SCML4: variants seen among roughly 807,000 people sequenced by gnomAD.
SCML4 encodes Scm polycomb group protein like 4.
A neutral mutation model predicts 41.1 loss-of-function variants in SCML4; 34 were observed. The observed-to-expected ratio is 0.83, with a 90% CI of 0.63 to 1.10. The LOEUF is 1.10. Ranked by LOEUF, SCML4 falls within the 50% of genes least tolerant of loss-of-function variation. The probability of loss-of-function intolerance (pLI) is 0.00; values close to 1 mark genes in which losing one functional copy is unlikely to be tolerated. For synonymous variants in SCML4, 214 were observed against 220.9 expected, an observed-to-expected ratio of 0.97 and a Z score of 0.28; for missense variants, 522 against 534.1, an observed-to-expected ratio of 0.98 and a Z score of 0.22.
chr6:107,714,784 T>C (rs1774584998), intron 6 of SCML4, among the ~76,000 whole-genome samples: 1 of 152,076 alleles, frequency 6.6e-6, no homozygotes, highest in Non-Finnish European at 1.5e-5. Context: ...AGGTAGTTGC[T>C]GTTCTTCTTA....
chr6:107,730,332 C>T (rs1308226799), intron 5 of SCML4, among the ~76,000 whole-genome samples: 2 of 152,212 alleles, frequency 1.3e-5, no homozygotes, highest in Non-Finnish European at 1.5e-5. Context: ...CGAAGGCACT[C>T]ATGGTCGAAA....
Position 107,720,836 on chromosome 6 carries a change from C to T in SCML4, c.840G>A (p.Gly280=), listed in dbSNP as rs757687899. The change falls in exon 6 of 8, where the codon GGG becomes GGA. Residue 280 remains glycine (G), a synonymous_variant. Transcript: ENST00000369020. The part of the protein sequence containing the change: ...KRQNSGDSHL[G]GGPAATAGGP... ...CACCAGCGGTGGCAGCAGGACCACC[C>T]CCAAGGTGGCTGTCTCCAGAGTTCT... is the stretch of plus-strand genomic sequence containing the variant. 6.2e-7 allele frequency: 1 copy of T among 1,614,100 alleles called. No individual in the cohort carries two copies. Among genetic ancestry groups the T allele is most frequent in the South Asian group, 1.1e-5 (1 of 91,082 alleles).
intron 1 of SCML4, among the ~76,000 whole-genome samples, chr6:107,787,918 T>C (rs1426505481): frequency 2.0e-5 from 3 of 152,232 alleles, no homozygotes; most frequent in African/African-American, 4.8e-5. Flanking sequence ...CTGAAGTATC[T>C]AAAACACTTT....
chr6:107,773,941 A>G lies in SCML4; in HGVS notation c.-59-1555T>C, dbSNP rs113981839. Among the ~76,000 whole-genome samples, 416 of 152,316 alleles carry G rather than the reference A, an allele frequency of 2.7e-3. 1 individual carries two copies. Among genetic ancestry groups the G allele is most frequent in the African/African-American group, 9.5e-3 (393 of 41,556 alleles). On this transcript the variant is annotated intron_variant, in intron 1 of 7. Coordinates refer to ENST00000369020, the MANE Select transcript of SCML4 (RefSeq NM_198081.5). The stretch of plus-strand genomic sequence containing the variant: ...TGCTCTGCTCAGGACAGAAAATATA[A>G]AATAGTGGAAGTTCTTAAAAACATG...
chr6:107,787,172 A>G (rs1781962075), intron 1 of SCML4, among the ~76,000 whole-genome samples: 1 of 152,262 alleles, frequency 6.6e-6, no homozygotes, highest in African/African-American at 2.4e-5. Flanking sequence ...TAGGATATAA[A>G]GAAATGGGAC....
intron 6 of SCML4, among the ~76,000 whole-genome samples, chr6:107,715,501 T>C (rs57952107): frequency 0.026 from 3,903 of 151,484 alleles, 181 homozygotes; most frequent in African/African-American, 0.091. Flanking sequence ...CTAGTTGTGG[T>C]TGGGAATTCT....
intron 1 of SCML4, among the ~76,000 whole-genome samples, chr6:107,775,275 T>C (rs779569040): frequency 6.6e-6 from 1 of 152,184 alleles, no homozygotes; most frequent in Non-Finnish European, 1.5e-5. Context: ...AGTCCATGCC[T>C]CTCCTTCCTC....
intron 5 of SCML4, among the ~76,000 whole-genome samples, chr6:107,741,339 C>T (rs1427143163): frequency 6.6e-6 from 1 of 152,182 alleles, no homozygotes; most frequent in Non-Finnish European, 1.5e-5. Flanking sequence ...AGAAAAATGT[C>T]TCCCAATTCA....
At chr6:107,840,918 C>A in the SCML4 span, among the ~76,000 whole-genome samples, 2 of 151,998 alleles carry the variant, frequency 1.3e-5, no homozygotes, top group African/African-American at 4.8e-5. Flanking sequence ...TTCTCTGGGG[C>A]CCTCAGAGTG....
intron 2 of SCML4, among the ~76,000 whole-genome samples, chr6:107,756,464 C>T (rs1376825309): frequency 6.6e-6 from 1 of 152,186 alleles, no homozygotes; most frequent in African/African-American, 2.4e-5. Context: ...CTGCCAAAGT[C>T]ATCACAAAAG....
chr6:107,778,900 G>T (rs556932351), intron 1 of SCML4, among the ~76,000 whole-genome samples: 102 of 152,202 alleles, frequency 6.7e-4, no homozygotes, highest in Middle Eastern at 3.4e-3. Flanking sequence ...ACACATCCCG[G>T]CCGGGCGCGG....
Position 107,745,048 on chromosome 6 carries a change from T to G in SCML4, c.583A>C (p.Ser195Arg). ...VLRFLAKLCRSLLCDDLFSHQ... is the reference protein window; with the variant it reads ...VLRFLAKLCRRLLCDDLFSHQ... Reference sequence around the variant, plus strand: ...CTGAAGAGGTCATCGCACAGGAGGCTTCGGCACAGCTTGGCGAGGAAGCGG... The same window carrying G: ...CTGAAGAGGTCATCGCACAGGAGGCGTCGGCACAGCTTGGCGAGGAAGCGG... The change falls in exon 5 of 8, where the codon AGC becomes CGC. Residue 195 changes from serine to arginine, a missense_variant. Ser to Arg is a moderately radical substitution (Grantham distance 110). Coordinates refer to ENST00000369020, the MANE Select transcript of SCML4 (RefSeq NM_198081.5). 1 of 1,614,166 alleles carries G rather than the reference T, an allele frequency of 6.2e-7. No individual in the cohort carries two copies. The highest frequency in any genetic ancestry group is 8.5e-7 in the Non-Finnish European group (1 of 1,180,010).
intron 7 of SCML4, 70 bp downstream of exon 7, chr6:107,707,796 C>T (rs1323692316): frequency 1.3e-6 from 2 of 1,543,590 alleles, no homozygotes; most frequent in African/African-American, 1.4e-5. Context: ...CCCGCAGCTC[C>T]CTGGACCTCA....
chr6:107,765,740 G>T (rs1001571128), intron 2 of SCML4, among the ~76,000 whole-genome samples: 3 of 152,164 alleles, frequency 2.0e-5, no homozygotes, highest in Admixed American at 2.0e-4. Flanking sequence ...CCAAGGGTTT[G>T]CTGCTGTACA....
chr6:107,749,609 A>G, intron 3 of SCML4, 75 bp downstream of exon 3: 2 of 1,552,080 alleles, frequency 1.3e-6, no homozygotes, highest in Non-Finnish European at 1.8e-6. Context: ...TTTAATCCAC[A>G]AAGTAACAAT....
chr6:107,790,078 C>T lies in SCML4; in HGVS notation c.-59-17692G>A, dbSNP rs1051045602. On this transcript the variant is annotated intron_variant, in intron 1 of 7. Coordinates refer to ENST00000369020, the MANE Select transcript of SCML4 (RefSeq NM_198081.5). ...TAGTCCAGCCTTTCAGCACTGGCAC[C>T]TGGTCAACGAGAGGTTAGCTGCTGA... 4.6e-5 allele frequency among the ~76,000 whole-genome samples: 7 copies of T among 152,142 alleles called. No individual in the cohort carries two copies. In the East Asian group the frequency reaches 1.3e-3, roughly 29 times the overall value.
At chr6:107,749,960 A>T in intron 2 of SCML4, 147 bp from the exon 3 acceptor site, 1 of 754,306 alleles carries the variant, frequency 1.3e-6, no homozygotes. Context: ...TGAGCTGCAG[A>T]TTCAAGTTCA....
intron 1 of SCML4, among the ~76,000 whole-genome samples, chr6:107,779,455 G>A (rs529285427): frequency 8.5e-5 from 13 of 152,266 alleles, no homozygotes; most frequent in African/African-American, 3.1e-4. Flanking sequence ...ATGTTTGGTG[G>A]TGCATGGAGA....
intron 5 of SCML4, among the ~76,000 whole-genome samples, chr6:107,734,838 T>G (rs2114461851): frequency 6.6e-6 from 1 of 152,286 alleles, no homozygotes; most frequent in African/African-American, 2.4e-5. Context: ...TCTACAAAAC[T>G]GATGGACACT....
Sources: gnomAD v4.1 joint callset for allele counts (sites outside exome capture counted in the v4.1 genomes callset) on GRCh38, gnomAD v4.1.1 for gene constraint, MANE v1.5 for transcripts, NCBI Gene and HGNC (gene_info 2026-07-23, HGNC 2026-07-21) for gene names.